Variants in NBAS observed in about 807,000 individuals in gnomAD.
NBAS encodes NBAS subunit of NRZ tethering complex, also known as NAG/BC035112 fusion.
Under a neutral mutation model 302.5 loss-of-function variants are expected in NBAS, and 219 were observed. The ratio of observed to expected loss-of-function variants is 0.72; its 90% CI spans 0.65 to 0.81. NBAS has a LOEUF of 0.81. NBAS is among the 30% of genes least tolerant of loss of function. The probability of loss-of-function intolerance (pLI) is 0.00; values close to 1 mark genes in which losing one functional copy is unlikely to be tolerated. For synonymous variants in NBAS, 1,118 were observed against 1,021.6 expected, an observed-to-expected ratio of 1.09 and a Z score of -1.80; for missense variants, 2,932 against 2,841.6, an observed-to-expected ratio of 1.03 and a Z score of -0.72.
Position 15,532,514 on chromosome 2 carries a change from T to C in NBAS, c.746+2029A>G, listed in dbSNP as rs565014589. Among the ~76,000 whole-genome samples, 433 of 138,638 alleles carry C rather than the reference T, an allele frequency of 3.1e-3. 1 individual carries two copies. Among genetic ancestry groups the C allele is most frequent in the African/African-American group, 0.011 (402 of 37,150 alleles). The allele number at this position is 138,638 out of a possible 152,430, so 91.0% of individuals were successfully genotyped here. On this transcript the variant is annotated intron_variant, in intron 9 of 51. Transcript: ENST00000281513. Reference sequence around the variant, plus strand: ...AAAAAAAAAAAAAAAAAAAAAACTATAAAATTATGATATAACAGGATTTAA... The same window carrying C: ...AAAAAAAAAAAAAAAAAAAAAACTACAAAATTATGATATAACAGGATTTAA...
At chr2:14,840,249 G>T in the NBAS span, among the ~76,000 whole-genome samples, 1 of 151,644 alleles carries the variant, frequency 6.6e-6, no homozygotes, top group African/African-American at 2.4e-5. Flanking sequence ...GGATAAAAAA[G>T]AATGAAAATA....
chr2:14,842,427 C>T, the NBAS span, among the ~76,000 whole-genome samples: 1 of 151,692 alleles, frequency 6.6e-6, no homozygotes, highest in East Asian at 1.9e-4. Flanking sequence ...TTTCTTTAGA[C>T]TAACTAAAAA....
chr2:15,549,094 A>C (rs1252207067), intron 6 of NBAS, among the ~76,000 whole-genome samples: 2 of 152,200 alleles, frequency 1.3e-5, no homozygotes, highest in Admixed American at 1.3e-4. Flanking sequence ...ATGATGTGTC[A>C]GACACTATGC....
the NBAS span, among the ~76,000 whole-genome samples, chr2:14,892,428 G>A: frequency 2.0e-5 from 3 of 152,138 alleles, no homozygotes; most frequent in Admixed American, 6.6e-5. Context: ...TCAAGACCAC[G>A]TAGGACACCT....
At chr2:15,478,138 C>A (rs1232014520) in intron 13 of NBAS, 88 bp downstream of exon 13, 5 of 957,188 alleles carry the variant, frequency 5.2e-6, no homozygotes, top group Non-Finnish European at 8.1e-6. Flanking sequence ...GCAAAAGTAT[C>A]TAGAGACTTT....
chr2:15,417,790 G>T, intron 23 of NBAS, 78 bp from the exon 24 acceptor site: 1 of 1,347,744 alleles, frequency 7.4e-7, no homozygotes, highest in South Asian at 1.3e-5. Context: ...CTCCAGTACA[G>T]AATCTAATTC....
At chr2:15,021,166 G>T in the NBAS span, among the ~76,000 whole-genome samples, 1 of 152,106 alleles carries the variant, frequency 6.6e-6, no homozygotes, top group Non-Finnish European at 1.5e-5. Flanking sequence ...CTGAGAGGTG[G>T]AAGTTGCAGT....
At chr2:15,259,061 T>TG (rs1668733840) in intron 44 of NBAS, among the ~76,000 whole-genome samples, 1 of 152,178 alleles carries the variant, frequency 6.6e-6, no homozygotes, top group Non-Finnish European at 1.5e-5. Context: ...GTTGAAATAT[T>TG]GGGGGTGGGT....
chr2:15,244,997 T>C (rs1298469128), intron 44 of NBAS, among the ~76,000 whole-genome samples: 2 of 152,110 alleles, frequency 1.3e-5, no homozygotes, highest in Non-Finnish European at 2.9e-5. Flanking sequence ...GACAAGGTAC[T>C]TGAGGAGACC....
chr2:15,189,497 C>G (rs1045546994), intron 49 of NBAS, among the ~76,000 whole-genome samples: 4 of 152,146 alleles, frequency 2.6e-5, no homozygotes, highest in African/African-American at 9.7e-5. Flanking sequence ...CTGAGCCAAA[C>G]AGGCACTTGC....
chr2:14,788,793 T>C, the NBAS span, among the ~76,000 whole-genome samples: 1 of 152,224 alleles, frequency 6.6e-6, no homozygotes, highest in Non-Finnish European at 1.5e-5. Context: ...AGGGACCCAC[T>C]TGAGGAGGCA....
At chr2:14,829,432 A>G in the NBAS span, among the ~76,000 whole-genome samples, 1 of 152,158 alleles carries the variant, frequency 6.6e-6, no homozygotes, top group African/African-American at 2.4e-5. Context: ...CAAGGCAACT[A>G]GGAGGTCACA....
intron 35 of NBAS, among the ~76,000 whole-genome samples, chr2:15,346,144 A>G (rs1452588551): frequency 6.6e-6 from 1 of 152,220 alleles, no homozygotes; most frequent in East Asian, 1.9e-4. Context: ...ACAAAAGCCA[A>G]AATTGACAAA....
the NBAS span, among the ~76,000 whole-genome samples, chr2:15,133,392 T>C: frequency 1.3e-5 from 2 of 152,148 alleles, no homozygotes; most frequent in Non-Finnish European, 2.9e-5. Context: ...GTCTTAGAGA[T>C]GAAATATATC....
intron 38 of NBAS, among the ~76,000 whole-genome samples, chr2:15,311,466 C>A (rs926079099): frequency 6.6e-6 from 1 of 152,098 alleles, no homozygotes; most frequent in Non-Finnish European, 1.5e-5. Context: ...AACATGTTTT[C>A]GTTTCCCACT....
chr2:15,520,779 A>G (rs1322787437), intron 9 of NBAS, among the ~76,000 whole-genome samples: 1 of 152,268 alleles, frequency 6.6e-6, no homozygotes, highest in African/African-American at 2.4e-5. Context: ...ATGCTTAAAA[A>G]CAGGCCACAT....
intron 14 of NBAS, 116 bp from the exon 15 acceptor site, chr2:15,474,440 A>G (rs1680100378): frequency 9.0e-7 from 1 of 1,109,414 alleles, no homozygotes; most frequent in African/African-American, 1.6e-5. Context: ...TAAATCAGCT[A>G]TGTGATCAAG....
At chr2:15,295,299 T>C (rs1670495884) in intron 40 of NBAS, among the ~76,000 whole-genome samples, 2 of 152,198 alleles carry the variant, frequency 1.3e-5, no homozygotes, top group Admixed American at 1.3e-4. Flanking sequence ...TCTTATGTAA[T>C]CTGCAGAAAG....
chr2:14,820,893 G>A, the NBAS span, among the ~76,000 whole-genome samples: 1 of 152,126 alleles, frequency 6.6e-6, no homozygotes, highest in African/African-American at 2.4e-5. Flanking sequence ...CAGCTTCTGT[G>A]AGGTCTGCAA....
Sources: gnomAD v4.1 joint callset for allele counts (sites outside exome capture counted in the v4.1 genomes callset) on GRCh38, gnomAD v4.1.1 for gene constraint, MANE v1.5 for transcripts, NCBI Gene and HGNC (gene_info 2026-07-23, HGNC 2026-07-21) for gene names.